Variants in GNB5 observed in about 807,000 individuals in gnomAD.
GNB5 encodes the protein guanine nucleotide-binding protein subunit beta-5.
In GNB5, 37 loss-of-function variants were observed where a neutral mutation model predicts 55.3. The ratio of observed to expected loss-of-function variants is 0.67; its 90% CI spans 0.51 to 0.88. GNB5 has a LOEUF of 0.88. GNB5 is among the 40% of genes least tolerant of loss of function. The pLI is 0.00. For synonymous variants in GNB5, 219 were observed against 198.5 expected (o/e 1.10, Z -0.87); for missense variants, 476 against 515.3 (o/e 0.92, Z 0.74).
At chr15:52,141,576 G>T (rs2033855198) in intron 6 of GNB5, among the ~76,000 whole-genome samples, 1 of 151,132 alleles carries the variant, frequency 6.6e-6, no homozygotes, top group African/African-American at 2.4e-5. Flanking sequence ...ACTGTGCCTG[G>T]CCAGTTTGAA....
chr15:52,166,905 T>G (rs1207492801), intron 3 of GNB5, among the ~76,000 whole-genome samples: 2 of 151,962 alleles, frequency 1.3e-5, no homozygotes, highest in African/African-American at 4.8e-5. Flanking sequence ...GCTGGTTTTT[T>G]GAAAAAATTA....
chr15:52,151,313 C>T (rs1566941139), intron 4 of GNB5, among the ~76,000 whole-genome samples: 1 of 152,180 alleles, frequency 6.6e-6, no homozygotes, highest in Admixed American at 6.5e-5. Flanking sequence ...GCTTCTTCCA[C>T]CTCACTGCCT....
intron 3 of GNB5, among the ~76,000 whole-genome samples, chr15:52,163,100 C>A (rs2034370004): frequency 6.6e-6 from 1 of 152,148 alleles, no homozygotes; most frequent in East Asian, 1.9e-4. Context: ...GCCCCGACCA[C>A]CGGCCAAGGG....
At chr15:52,179,586 G>A (rs1055049850) in intron 3 of GNB5, among the ~76,000 whole-genome samples, 182 bp downstream of exon 3, 6 of 151,600 alleles carry the variant, frequency 4.0e-5, no homozygotes, top group South Asian at 4.2e-4. Flanking sequence ...CGCGCGTCCC[G>A]GGGATCGGGA....
intron 1 of GNB5, among the ~76,000 whole-genome samples, 153 bp from the exon 2 acceptor site, chr15:52,184,847 A>T (rs2034821460): frequency 6.6e-6 from 1 of 152,234 alleles, no homozygotes; most frequent in African/African-American, 2.4e-5. Flanking sequence ...CAACTATTAC[A>T]ACATGCTGGG....
At chr15:52,134,064 G>T (rs953632974) in intron 8 of GNB5, among the ~76,000 whole-genome samples, 2 of 152,238 alleles carry the variant, frequency 1.3e-5, no homozygotes, top group Non-Finnish European at 2.9e-5. Flanking sequence ...CCATCGACGC[G>T]CAGGGTGGCT....
chr15:52,170,809 T>C (rs1269610656), intron 3 of GNB5, among the ~76,000 whole-genome samples: 1 of 151,858 alleles, frequency 6.6e-6, no homozygotes, highest in African/African-American at 2.4e-5. Context: ...TGAATTGCCT[T>C]AAAAAAATTC....
rs562554373 is a variant in GNB5, at chr15:52,135,993, T to C, written c.628-237A>G. The C allele has an allele frequency of 1.7e-5, 8 of 469,302 alleles. No homozygotes were observed. The East Asian group carries it at 2.2e-4, about 13-fold the overall frequency. The allele number at this position is 469,302 out of a possible 1,614,324, so 29.1% of individuals were successfully genotyped here. On this transcript the variant is annotated intron_variant, in intron 7 of 12. Coordinates refer to ENST00000261837, the MANE Select transcript of GNB5 (RefSeq NM_016194.4). ...ACCCTCACAGTCCTTGAGTTGTGTTTATATGGTTGTGGTTATTGCTTATGC... is the reference window on the plus strand; with the variant it reads ...ACCCTCACAGTCCTTGAGTTGTGTTCATATGGTTGTGGTTATTGCTTATGC...
chr15:52,152,182 A>G (rs976914550), intron 4 of GNB5, among the ~76,000 whole-genome samples: 18 of 151,888 alleles, frequency 1.2e-4, no homozygotes, highest in African/African-American at 4.4e-4. Flanking sequence ...CAGACGTTAC[A>G]GTTTGTGGAT....
intron 6 of GNB5, among the ~76,000 whole-genome samples, chr15:52,141,873 T>A (rs1013891188): frequency 1.3e-5 from 2 of 152,266 alleles, no homozygotes; most frequent in East Asian, 3.8e-4. Context: ...CCATATTCAA[T>A]CTTCCCTGAT....
chr15:52,135,472 G>T, intron 8 of GNB5, 141 bp downstream of exon 8: 2 of 759,574 alleles, frequency 2.6e-6, no homozygotes, highest in Non-Finnish European at 4.4e-6. Flanking sequence ...AGGAGCTGGG[G>T]GTTTAGTGGG....
intron 3 of GNB5, among the ~76,000 whole-genome samples, chr15:52,163,340 C>T (rs542695583): frequency 1.3e-5 from 2 of 152,170 alleles, no homozygotes; most frequent in South Asian, 4.1e-4. Flanking sequence ...CCATCTATTC[C>T]CCTAGGAAGG....
At chr15:52,144,836 C>T (rs2033935995) in intron 6 of GNB5, among the ~76,000 whole-genome samples, 1 of 152,176 alleles carries the variant, frequency 6.6e-6, no homozygotes, top group Non-Finnish European at 1.5e-5. Flanking sequence ...TTACCATACA[C>T]CGTGGCCAAG....
intron 9 of GNB5, among the ~76,000 whole-genome samples, chr15:52,131,069 G>A (rs1417743348): frequency 1.3e-5 from 2 of 152,110 alleles, no homozygotes; most frequent in Admixed American, 6.5e-5. Flanking sequence ...AAAGTGATCC[G>A]CCCACCTCGG....
intron 3 of GNB5, among the ~76,000 whole-genome samples, chr15:52,175,979 G>A (rs1419386397): frequency 6.6e-6 from 1 of 152,104 alleles, no homozygotes; most frequent in African/African-American, 2.4e-5. Context: ...AACCCAGGAG[G>A]TGGAGGTTGT....
chr15:52,150,415 C>G (rs115545965), intron 4 of GNB5, among the ~76,000 whole-genome samples: 1,702 of 152,262 alleles, frequency 0.011, 24 homozygotes, highest in African/African-American at 0.039. Context: ...ATCCAGGAAC[C>G]CCCCTCCCCA....
Position 52,117,102 on chromosome 15 carries a change from A to ATATATATATTTTTT in GNB5, c.*5654_*5655insAAAAAATATATATA. The ATATATATATTTTTT allele has an allele frequency of 5.7e-5, 5 of 87,102 alleles. No individual in the cohort carries two copies. Among genetic ancestry groups the ATATATATATTTTTT allele is most frequent in the African/African-American group, 2.4e-4 (4 of 16,420 alleles). The allele number at this position is 87,102 out of a possible 1,614,324, so 5.4% of individuals were successfully genotyped here. A position where few individuals can be genotyped will look rare whatever the true frequency, so the allele number is the denominator to read the frequency against. ...CCACGCCCAGCTAATATATATATAT[A>ATATATATATTTTTT]TTTTTTTTTAGTACAGACAGGGTTT... On this transcript the variant is annotated 3_prime_UTR_variant, in exon 13 of 13. Coordinates refer to ENST00000261837, the MANE Select transcript of GNB5 (RefSeq NM_016194.4).
At chr15:52,158,169 C>T (rs2034255390) in intron 3 of GNB5, among the ~76,000 whole-genome samples, 1 of 152,080 alleles carries the variant, frequency 6.6e-6, no homozygotes, top group South Asian at 2.1e-4. Context: ...TGGAGCAAAG[C>T]AGTTAAAAAT....
chr15:52,143,717 G>T (rs74015612), intron 6 of GNB5, among the ~76,000 whole-genome samples: 29 of 152,304 alleles, frequency 1.9e-4, no homozygotes, highest in African/African-American at 6.5e-4. Flanking sequence ...TGTGGCATCG[G>T]TGTGGGTCTA....
Sources: gnomAD v4.1 joint callset for allele counts (sites outside exome capture counted in the v4.1 genomes callset) on GRCh38, gnomAD v4.1.1 for gene constraint, MANE v1.5 for transcripts, NCBI Gene and HGNC (gene_info 2026-07-23, HGNC 2026-07-21) for gene names.